The following MARCHF1 variants were observed in gnomAD, a reference collection of about 807,000 sequenced individuals.
MARCHF1 encodes membrane associated ring-CH-type finger 1, also known as E3 ubiquitin-protein ligase MARCHF1.
A neutral mutation model predicts 54.2 loss-of-function variants in MARCHF1; 40 were observed. That is an observed-to-expected ratio of 0.74 (90% CI 0.57 to 0.96). The LOEUF (loss-of-function observed/expected upper bound fraction) is 0.96, where lower values mean the gene tolerates loss of function less well. Ranked by LOEUF, MARCHF1 falls within the 40% of genes least tolerant of loss-of-function variation. MARCHF1 has a pLI of 0.00. For missense variants in MARCHF1, 586 were observed against 656.5 expected, an observed-to-expected ratio of 0.89 and a Z score of 1.17; for synonymous variants, 236 against 236.3, an observed-to-expected ratio of 1.00 and a Z score of 0.01.
At chr4:164,270,994 C>CA (rs1368790520) in intron 1 of MARCHF1, among the ~76,000 whole-genome samples, 6 of 151,914 alleles carry the variant, frequency 3.9e-5, no homozygotes, top group African/African-American at 1.5e-4. Flanking sequence ...ACTCATGTAC[C>CA]ATAATTCATG....
chr4:163,726,168 T>C (rs1030817001), intron 4 of MARCHF1, among the ~76,000 whole-genome samples: 2 of 152,198 alleles, frequency 1.3e-5, no homozygotes, highest in Non-Finnish European at 1.5e-5. Context: ...TGTGGTGTTG[T>C]ATATTCTACG....
At chr4:163,964,029 T>C (rs773396624) in intron 3 of MARCHF1, among the ~76,000 whole-genome samples, 12 of 151,996 alleles carry the variant, frequency 7.9e-5, no homozygotes, top group Non-Finnish European at 1.3e-4. Flanking sequence ...AATTTGTTAC[T>C]TGGCAATCAA....
At chr4:164,282,770 G>T (rs976920574) in intron 1 of MARCHF1, among the ~76,000 whole-genome samples, 4 of 151,228 alleles carry the variant, frequency 2.6e-5, no homozygotes, top group African/African-American at 9.7e-5. Flanking sequence ...ATGATCAACA[G>T]GCTCTGCCTG....
intron 4 of MARCHF1, among the ~76,000 whole-genome samples, chr4:163,704,450 T>A (rs1744893682): frequency 6.6e-6 from 1 of 151,880 alleles, no homozygotes; most frequent in Non-Finnish European, 1.5e-5. Flanking sequence ...ACCTATTAAG[T>A]TATAAACATT....
chr4:164,137,364 G>A (rs1337113538), intron 1 of MARCHF1, among the ~76,000 whole-genome samples: 1 of 152,066 alleles, frequency 6.6e-6, no homozygotes, highest in East Asian at 1.9e-4. Context: ...AAATAATTAT[G>A]ATAATATATT....
At chr4:163,629,535 A>T (rs966528261) in intron 5 of MARCHF1, among the ~76,000 whole-genome samples, 1 of 152,226 alleles carries the variant, frequency 6.6e-6, no homozygotes, top group Non-Finnish European at 1.5e-5. Context: ...AGCAATGGTA[A>T]CACAAGCGAA....
intron 1 of MARCHF1, among the ~76,000 whole-genome samples, chr4:164,179,263 G>A (rs1476073092): frequency 1.3e-5 from 2 of 152,136 alleles, no homozygotes; most frequent in Non-Finnish European, 2.9e-5. Flanking sequence ...CTCTACACCA[G>A]TACAGGATTC....
At chr4:163,851,025 C>T (rs1317097377) in intron 4 of MARCHF1, among the ~76,000 whole-genome samples, 1 of 152,082 alleles carries the variant, frequency 6.6e-6, no homozygotes, top group Non-Finnish European at 1.5e-5. Flanking sequence ...AGACTCAAGG[C>T]AAACCCTGCT....
chr4:163,541,939 T>C (rs1357642364), intron 9 of MARCHF1, among the ~76,000 whole-genome samples: 2 of 152,222 alleles, frequency 1.3e-5, no homozygotes, highest in African/African-American at 2.4e-5. Context: ...TGAACATAAA[T>C]ACAAATGATT....
chr4:164,283,098 A>G (rs1196979008), intron 1 of MARCHF1, among the ~76,000 whole-genome samples: 2 of 151,206 alleles, frequency 1.3e-5, no homozygotes, highest in Non-Finnish European at 2.9e-5. Context: ...TGTAGTTTTC[A>G]AAGAGCAAAA....
intron 2 of MARCHF1, among the ~76,000 whole-genome samples, chr4:164,094,478 A>G (rs1383852517): frequency 1.3e-5 from 2 of 152,172 alleles, no homozygotes; most frequent in African/African-American, 4.8e-5. Context: ...TGAGCAGTGG[A>G]TATCAGTGGC....
chr4:163,896,057 A>T lies in MARCHF1; in HGVS notation c.-38-41888T>A. ...AAATGATATTCTAAAACCAATAATA[A>T]AATACCATGCGTAACCATTTCCCTC... On this transcript the variant is annotated intron_variant, in intron 3 of 9. Coordinates refer to ENST00000514618, the MANE Select transcript of MARCHF1 (RefSeq NM_001394959.1). Among the ~76,000 whole-genome samples the T allele has an allele frequency of 1.3e-5, 2 of 152,202 alleles. 1 individual carries two copies. The highest frequency in any genetic ancestry group is 1.3e-4 in the Admixed American group (2 of 15,276).
At chr4:164,286,380 A>G (rs74398762) in intron 1 of MARCHF1, among the ~76,000 whole-genome samples, 5,521 of 152,308 alleles carry the variant, frequency 0.036, 333 homozygotes, top group African/African-American at 0.12. Context: ...AAAAATAACT[A>G]TAAATCTATT....
chr4:164,368,182 G>A (rs1327986831), intron 1 of MARCHF1, among the ~76,000 whole-genome samples: 11 of 131,418 alleles, frequency 8.4e-5, no homozygotes, highest in African/African-American at 1.9e-4. Flanking sequence ...TTAAAAAATA[G>A]CCAAATCCTA....
chr4:163,628,685 G>A (rs1022757165), intron 5 of MARCHF1, among the ~76,000 whole-genome samples: 2 of 152,164 alleles, frequency 1.3e-5, no homozygotes, highest in Non-Finnish European at 2.9e-5. Context: ...AAGTGGATAA[G>A]CAACTTCAGC....
In MARCHF1 at chr4:163,577,751, A is replaced by G. The variant is rs115359056; in HGVS notation, c.1191+7998T>C. On this transcript the variant is annotated intron_variant, in intron 8 of 9. Transcript: ENST00000514618. ...AGGTTTGGTTGCTTTACATAATTTT[A>G]TATTTCATGAACACTTTGTTCACTT... 6.3e-3 allele frequency among the ~76,000 whole-genome samples: 963 copies of G among 152,116 alleles called. 13 individuals are homozygous for G. Among genetic ancestry groups the G allele is most frequent in the African/African-American group, 0.022 (932 of 41,528 alleles).
chr4:164,302,507 G>A (rs574114663), intron 1 of MARCHF1, among the ~76,000 whole-genome samples: 1 of 152,232 alleles, frequency 6.6e-6, no homozygotes, highest in Admixed American at 6.5e-5. Flanking sequence ...GAGAAAGGTT[G>A]AGAATTTCAG....
chr4:163,783,297 A>G lies in MARCHF1; in HGVS notation c.111+70724T>C, dbSNP rs149114626. 1.2e-4 allele frequency among the ~76,000 whole-genome samples: 18 copies of G among 152,350 alleles called. 1 individual carries two copies. In the East Asian group the frequency reaches 3.5e-3, roughly 29 times the overall value. ...AGAGGCAATATTTCTGACTATCAAGAGTTTAAATTGTAGGCAGCAGAACCT... is the reference window on the plus strand; with the variant it reads ...AGAGGCAATATTTCTGACTATCAAGGGTTTAAATTGTAGGCAGCAGAACCT... On this transcript the variant is annotated intron_variant, in intron 4 of 9. Coordinates refer to ENST00000514618, the MANE Select transcript of MARCHF1 (RefSeq NM_001394959.1).
At chr4:164,175,102 C>A (rs1305624622) in intron 1 of MARCHF1, among the ~76,000 whole-genome samples, 1 of 152,148 alleles carries the variant, frequency 6.6e-6, no homozygotes, top group African/African-American at 2.4e-5. Flanking sequence ...AAACCTCAAC[C>A]TATTTAAGCC....
Sources: allele counts gnomAD v4.1 joint callset (sites outside exome capture counted in the v4.1 genomes callset), GRCh38; gene constraint gnomAD v4.1.1; transcripts MANE v1.5; gene names NCBI Gene and HGNC (gene_info 2026-07-23, HGNC 2026-07-21).